Variants in HECW1 observed in about 807,000 individuals in gnomAD.
The protein encoded by HECW1 is E3 ubiquitin-protein ligase HECW1.
A neutral mutation model predicts 182.3 loss-of-function variants in HECW1; 61 were observed. The observed-to-expected ratio is 0.33, with a 90% CI of 0.27 to 0.41. The LOEUF is 0.41. Ranked by LOEUF, HECW1 falls within the 10% of genes least tolerant of loss-of-function variation. The pLI, the probability that HECW1 is intolerant of heterozygous loss-of-function variation, is 1.00. For synonymous variants in HECW1, 859 were observed against 832.6 expected, an observed-to-expected ratio of 1.03 and a Z score of -0.55; for missense variants, 1,739 against 2,108.9, an observed-to-expected ratio of 0.82 and a Z score of 3.44.
intron 5 of HECW1, among the ~76,000 whole-genome samples, chr7:43,326,504 C>T (rs1169912916): frequency 6.6e-6 from 1 of 152,180 alleles, no homozygotes; most frequent in Non-Finnish European, 1.5e-5. Context: ...CACAAGGCGG[C>T]CCCATGAAGA....
chr7:43,260,440 C>T (rs1473694449), intron 3 of HECW1, among the ~76,000 whole-genome samples: 1 of 152,178 alleles, frequency 6.6e-6, no homozygotes, highest in African/African-American at 2.4e-5. Flanking sequence ...ATGAGCCACA[C>T]TAGCCATTAT....
intron 19 of HECW1, among the ~76,000 whole-genome samples, chr7:43,497,200 C>T (rs2079153547): frequency 6.6e-6 from 1 of 152,000 alleles, no homozygotes; most frequent in Non-Finnish European, 1.5e-5. Context: ...AAGGCATTGT[C>T]CCTTGAGATG....
At chr7:43,232,137 C>A (rs950607709) in intron 2 of HECW1, among the ~76,000 whole-genome samples, 4 of 151,208 alleles carry the variant, frequency 2.6e-5, no homozygotes, top group Non-Finnish European at 4.4e-5. Context: ...AAGAAAGAAA[C>A]CAGCAAATAC....
chr7:43,512,001 A>C (rs1488501003), intron 24 of HECW1: 2 of 209,938 alleles, frequency 9.5e-6, no homozygotes, highest in Non-Finnish European at 1.9e-5. Flanking sequence ...CTGATCGCTC[A>C]CGACTGGTAC....
Position 43,277,400 on chromosome 7 carries a change from G to T in HECW1, c.27+33468G>T, listed in dbSNP as rs1309472232. ...TGTTCCGTTTGGTTTTGTTTTAGGT[G>T]TTTAGCAGCCTGAAGCCATGGTTTT... On this transcript the variant is annotated intron_variant, in intron 3 of 29. Coordinates refer to ENST00000395891, the MANE Select transcript of HECW1 (RefSeq NM_015052.5). 5.3e-5 allele frequency among the ~76,000 whole-genome samples: 8 copies of T among 152,246 alleles called. No homozygotes were observed. In the East Asian group the frequency reaches 1.5e-3, roughly 29 times the overall value.
chr7:43,389,625 T>C (rs1418984243), intron 6 of HECW1, among the ~76,000 whole-genome samples: 2 of 145,954 alleles, frequency 1.4e-5, no homozygotes, highest in African/African-American at 5.3e-5. Flanking sequence ...GTTGCTGTTG[T>C]TGTTGTTGTT....
In HECW1 at chr7:43,501,270, G is replaced by A; in HGVS notation, c.3579G>A (p.Gly1193=). The change falls in exon 21 of 30, where the codon GGG becomes GGA. Residue 1193 remains glycine (G), a synonymous_variant. Coordinates refer to ENST00000395891, the MANE Select transcript of HECW1 (RefSeq NM_015052.5). ...YVPLQAAFHP[G]YSFSPRCSPC... ...CCCTGCAGGCTGCCTTCCACCCTGGGTATAGCTTCTCTCCCCGATGTTCAC... is the reference window on the plus strand; with the variant it reads ...CCCTGCAGGCTGCCTTCCACCCTGGATATAGCTTCTCTCCCCGATGTTCAC... The A allele has an allele frequency of 6.2e-7, 1 of 1,610,030 alleles. No individual in the cohort carries two copies. The highest frequency in any genetic ancestry group is 8.5e-7 in the Non-Finnish European group (1 of 1,178,104).
At chr7:43,475,153 A>T (rs1226993164) in intron 16 of HECW1, among the ~76,000 whole-genome samples, 1 of 152,228 alleles carries the variant, frequency 6.6e-6, no homozygotes. Context: ...TTGCCACAAC[A>T]ACAAAAAAGG....
Position 43,174,439 on chromosome 7 carries a change from T to C in HECW1, c.-32+60048T>C, listed in dbSNP as rs1054012934. On this transcript the variant is annotated intron_variant, in intron 2 of 29. Transcript: ENST00000395891. The stretch of plus-strand genomic sequence containing the variant: ...TCCTTGATCCAAAGGTGTGTCTTGT[T>C]CTGCTTACTATTGATGTCATTCAGA... Among the ~76,000 whole-genome samples the C allele has an allele frequency of 3.3e-5, 5 of 152,222 alleles. No homozygotes were observed. The South Asian group carries it at 8.3e-4, about 25-fold the overall frequency.
intron 5 of HECW1, among the ~76,000 whole-genome samples, chr7:43,349,202 T>G (rs1346283998): frequency 6.6e-6 from 1 of 152,010 alleles, no homozygotes; most frequent in Admixed American, 6.6e-5. Flanking sequence ...GCCCGGCTAA[T>G]TTTGTATTTT....
intron 17 of HECW1, among the ~76,000 whole-genome samples, chr7:43,491,728 G>A (rs1248452431): frequency 6.6e-6 from 1 of 152,144 alleles, no homozygotes; most frequent in Non-Finnish European, 1.5e-5. Flanking sequence ...AAGTAGGTGG[G>A]ATGACAGGCA....
At chr7:43,503,981 A>AGGCCCAGGTGTTTGG (rs1405165423) in intron 21 of HECW1, among the ~76,000 whole-genome samples, 2 of 152,086 alleles carry the variant, frequency 1.3e-5, no homozygotes, top group Non-Finnish European at 2.9e-5. Context: ...TGGTTCCCTC[A>AGGCCCAGGTGTTTGG]GGCCCAGGTG....
chr7:43,426,594 G>A (rs555599054), intron 8 of HECW1, among the ~76,000 whole-genome samples: 3 of 152,146 alleles, frequency 2.0e-5, no homozygotes, highest in South Asian at 4.1e-4. Flanking sequence ...CCTTTCTTAT[G>A]CTTATTCAGT....
chr7:43,123,457 G>A (rs549865576), intron 2 of HECW1, among the ~76,000 whole-genome samples: 2 of 152,168 alleles, frequency 1.3e-5, no homozygotes, highest in Non-Finnish European at 2.9e-5. Flanking sequence ...GTGACCCTGC[G>A]CTTTGACATA....
intron 3 of HECW1, among the ~76,000 whole-genome samples, chr7:43,303,770 T>A (rs1386805604): frequency 1.3e-5 from 2 of 152,088 alleles, no homozygotes; most frequent in South Asian, 2.1e-4. Flanking sequence ...GCTGAAGAGT[T>A]AGACAGAGAT....
At chr7:43,506,995 A>T in intron 21 of HECW1, 142 bp from the exon 22 acceptor site, 1 of 951,844 alleles carries the variant, frequency 1.1e-6, no homozygotes, top group Non-Finnish European at 1.5e-6. Context: ...GCTTGAACCC[A>T]GGAGGTGGAA....
intron 13 of HECW1, among the ~76,000 whole-genome samples, chr7:43,462,012 T>TGAGTGTA (rs2077602045): frequency 6.6e-6 from 1 of 152,224 alleles, no homozygotes; most frequent in African/African-American, 2.4e-5. Flanking sequence ...CTCTTGCAAA[T>TGAGTGTA]GGCTGGAGAC....
intron 6 of HECW1, among the ~76,000 whole-genome samples, chr7:43,363,062 A>G (rs1218318629): frequency 6.6e-6 from 1 of 152,174 alleles, no homozygotes; most frequent in African/African-American, 2.4e-5. Flanking sequence ...TCGTCTCTGA[A>G]CTCAGCCTGC....
At chr7:43,219,653 A>G (rs971537504) in intron 2 of HECW1, among the ~76,000 whole-genome samples, 1 of 151,246 alleles carries the variant, frequency 6.6e-6, no homozygotes, top group African/African-American at 2.5e-5. Context: ...ACAGAACAGA[A>G]CAGAACAGAA....
Sources: allele counts gnomAD v4.1 joint callset (sites outside exome capture counted in the v4.1 genomes callset), GRCh38; gene constraint gnomAD v4.1.1; transcripts MANE v1.5; gene names NCBI Gene and HGNC (gene_info 2026-07-23, HGNC 2026-07-21).